RFX1: variants seen among roughly 807,000 people sequenced by gnomAD.
RFX1 encodes the protein MHC class II regulatory factor RFX1.
In RFX1, 42 loss-of-function variants were observed where a neutral mutation model predicts 119.6. That is an observed-to-expected ratio of 0.35 (90% confidence interval 0.27 to 0.45). The LOEUF is 0.45. Ranked by LOEUF, RFX1 falls within the 20% of genes least tolerant of loss-of-function variation. The pLI is 1.00. For missense variants in RFX1, 1,118 were observed against 1,368.1 expected (o/e 0.82, Z 2.88); for synonymous variants, 628 against 618.5 (o/e 1.02, Z -0.23).
intron 5 of RFX1, among the ~76,000 whole-genome samples, chr19:13,981,456 C>T (rs1974427772): frequency 6.6e-6 from 1 of 152,160 alleles, no homozygotes; most frequent in Non-Finnish European, 1.5e-5. Context: ...ATTAGCAGGG[C>T]GTGGTGGCGC....
chr19:14,003,383 G>A (rs755559556), intron 1 of RFX1, among the ~76,000 whole-genome samples: 1 of 152,084 alleles, frequency 6.6e-6, no homozygotes, highest in African/African-American at 2.4e-5. Flanking sequence ...CTGGATCCCT[G>A]GTATCCAGCT....
At chr19:13,971,522 C>T (rs1974077510) in intron 9 of RFX1, among the ~76,000 whole-genome samples, 1 of 152,096 alleles carries the variant, frequency 6.6e-6, no homozygotes, top group South Asian at 2.1e-4. Context: ...AGGGAGGTTC[C>T]AGCACCCGCC....
Position 13,968,447 on chromosome 19 carries a change from G to T in RFX1, c.1732+118C>A. 1.3e-6 allele frequency: 1 copy of T among 774,818 alleles called. No individual in the cohort carries two copies. 48.0% of individuals were successfully genotyped at this position (774,818 alleles called of 1,614,324 possible). A position where few individuals can be genotyped will look rare whatever the true frequency, so the allele number is the denominator to read the frequency against. ...TCCCCCACCCCCTGCTGGTTCTCGGGCATCTCTCACCAAGCCCTCCCCAGC... is the reference window on the plus strand; with the variant it reads ...TCCCCCACCCCCTGCTGGTTCTCGGTCATCTCTCACCAAGCCCTCCCCAGC... On this transcript the variant is annotated intron_variant, in intron 12 of 20. Coordinates refer to ENST00000254325, the MANE Select transcript of RFX1 (RefSeq NM_002918.5). This position sits in a 1 kb window ranked among gnomAD's most constrained non-coding sequence, Gnocchi z 5.5.
At chr19:13,978,217 C>T (rs1324415156) in intron 7 of RFX1, 131 bp from the exon 8 acceptor site, 3 of 613,178 alleles carry the variant, frequency 4.9e-6, no homozygotes, top group Admixed American at 2.9e-5. Context: ...CTTCTGGACT[C>T]TCAACAAAAC....
chr19:13,993,412 G>A, intron 2 of RFX1, 113 bp downstream of exon 2: 4 of 1,042,134 alleles, frequency 3.8e-6, no homozygotes, highest in Non-Finnish European at 5.5e-6. Flanking sequence ...GATACCCCAA[G>A]TCCCATCCAG....
chr19:13,975,838 C>T (rs971454586), intron 8 of RFX1, among the ~76,000 whole-genome samples: 1 of 152,202 alleles, frequency 6.6e-6, no homozygotes, highest in Non-Finnish European at 1.5e-5. Context: ...GGCAAAGGGT[C>T]GGGAACTCGC....
chr19:13,982,786 T>C (rs31602), intron 4 of RFX1, among the ~76,000 whole-genome samples: 31,332 of 152,090 alleles, frequency 0.21, 4,087 homozygotes, highest in Non-Finnish European at 0.29. Context: ...AACAGTACTT[T>C]GTCCAGATCT....
chr19:13,999,833 G>T (rs1975154705), intron 1 of RFX1, among the ~76,000 whole-genome samples: 1 of 152,064 alleles, frequency 6.6e-6, no homozygotes, highest in Non-Finnish European at 1.5e-5. Flanking sequence ...CCACCACCAT[G>T]CCTGGCTAGC....
chr19:13,969,681 T>C lies in RFX1; in HGVS notation c.1496+313A>G, dbSNP rs1286581783. 7.6e-6 allele frequency: 2 copies of C among 262,196 alleles called. No individual in the cohort carries two copies. Among genetic ancestry groups the C allele is most frequent in the Non-Finnish European group, 1.4e-5 (2 of 140,550 alleles). 16.2% of individuals were successfully genotyped at this position (262,196 alleles called of 1,614,324 possible). A position where few individuals can be genotyped will look rare whatever the true frequency, so the allele number is the denominator to read the frequency against. ...TCTCCAAAAAAAAAAAAAAGTCACGTGTGAGCGTGCTGAATGCTAAAGAGA... is the reference window on the plus strand; with the variant it reads ...TCTCCAAAAAAAAAAAAAAGTCACGCGTGAGCGTGCTGAATGCTAAAGAGA... On this transcript the variant is annotated intron_variant, in intron 10 of 20. Transcript: ENST00000254325. This position sits in a 1 kb window ranked among gnomAD's most constrained non-coding sequence, Gnocchi z 4.5.
rs1403202230 is a variant in RFX1 at position 13,970,087 on chromosome 19, T to C, written c.1403A>G (p.Gln468Arg). 1 of 1,613,956 alleles carries C rather than the reference T, an allele frequency of 6.2e-7. No homozygotes were observed. The highest frequency in any genetic ancestry group is 2.2e-5 in the East Asian group (1 of 44,896). The change falls in exon 10 of 21, where the codon CAG becomes CGG. Residue 468 changes from glutamine (Q) to arginine (R), a missense_variant. This residue lies in a region of RFX1 where 338 missense variants were observed against 508.9 expected (regional missense o/e 0.66). Coordinates refer to ENST00000254325, the MANE Select transcript of RFX1 (RefSeq NM_002918.5). The stretch of plus-strand genomic sequence containing the variant: ...GTTGACGGGCTCCAGCTTCTGCTCC[T>C]GGCAGTGCAGTAAGTAGTGGCAGTA... ...TLYCHYLLHCQEQKLEPVNAA... is the reference protein window; with the variant it reads ...TLYCHYLLHCREQKLEPVNAA...
chr19:13,976,977 CAG>C (rs1019224005), intron 8 of RFX1, among the ~76,000 whole-genome samples: 1 of 149,954 alleles, frequency 6.7e-6, no homozygotes, highest in Admixed American at 6.6e-5. Flanking sequence ...GCCTGGGCGA[CAG>C]AGTGAGACCC....
Position 13,968,761 on chromosome 19 carries a change from C to A in RFX1, c.1616+14G>T, listed in dbSNP as rs774531793. 1.9e-6 allele frequency: 3 copies of A among 1,604,634 alleles called. No homozygotes were observed. The Admixed American group carries it at 5.1e-5, about 27-fold the overall frequency. ...CCCGCCTGCCCTGCCCTGGGTCCGGCCCTGCCTTCCTACCTCTGCTTCTGC... is the reference window on the plus strand; with the variant it reads ...CCCGCCTGCCCTGCCCTGGGTCCGGACCTGCCTTCCTACCTCTGCTTCTGC... On this transcript the variant is annotated intron_variant, in intron 11 of 20. Coordinates refer to ENST00000254325, the MANE Select transcript of RFX1 (RefSeq NM_002918.5). The surrounding 1 kb of genome is among the most constrained non-coding windows in gnomAD (Gnocchi z 5.5).
In RFX1 at chr19:13,963,279, G is replaced by T; in HGVS notation, c.2571-4C>A. On this transcript the variant is annotated splice_polypyrimidine_tract_variant and splice_region_variant and intron_variant, in intron 18 of 20. Transcript: ENST00000254325. ...CAGGTCCCGGATCACCATGGAGCTG[G>T]GGATGGAGACGGAGAGGAGACCGTC... 6.2e-7 allele frequency: 1 copy of T among 1,607,444 alleles called. No homozygotes were observed. The highest frequency in any genetic ancestry group is 8.5e-7 in the Non-Finnish European group (1 of 1,178,708).
In RFX1 at chr19:14,003,913, C is replaced by CT. The variant is rs921618686; in HGVS notation, c.-53+2189dup. On this transcript the variant is annotated intron_variant, in intron 1 of 20. Coordinates refer to ENST00000254325, the MANE Select transcript of RFX1 (RefSeq NM_002918.5). ...GTAACATCACTTTCTGCTCAGTTAG[C>CT]TTTTTTTTTTTTGAGACAAGTCTCA... Among the ~76,000 whole-genome samples the CT allele has an allele frequency of 4.4e-4, 64 of 146,442 alleles. 1 individual carries two copies. Among genetic ancestry groups the CT allele is most frequent in the South Asian group, 6.5e-4 (3 of 4,626 alleles).
intron 12 of RFX1, among the ~76,000 whole-genome samples, chr19:13,967,638 G>A (rs761097385): frequency 1.3e-4 from 19 of 151,510 alleles, no homozygotes; most frequent in Admixed American, 2.6e-4. Context: ...CACCACACCC[G>A]GCTAATTTTG....
chr19:13,979,839 C>T (rs1419039348), intron 6 of RFX1, among the ~76,000 whole-genome samples: 1 of 152,148 alleles, frequency 6.6e-6, no homozygotes, highest in African/African-American at 2.4e-5. Flanking sequence ...GGTTATCTTT[C>T]GTCCCCACAC....
intron 2 of RFX1, among the ~76,000 whole-genome samples, chr19:13,989,199 G>A (rs1381746199): frequency 1.3e-5 from 2 of 152,000 alleles, no homozygotes; most frequent in Admixed American, 6.6e-5. Context: ...TCAGGAGGCA[G>A]GACTGAGCCT....
intron 5 of RFX1, among the ~76,000 whole-genome samples, chr19:13,981,350 C>T (rs186820880): frequency 6.6e-6 from 1 of 152,322 alleles, no homozygotes; most frequent in African/African-American, 2.4e-5. Context: ...AATCCCAGCA[C>T]TTTGGAAGGC....
Position 13,965,553 on chromosome 19 carries a change from G to A in RFX1, c.2114-7C>T. 2 of 1,613,508 alleles carry A rather than the reference G, an allele frequency of 1.2e-6. No homozygotes were observed. Among genetic ancestry groups the A allele is most frequent in the South Asian group, 1.1e-5 (1 of 91,072 alleles). On this transcript the variant is annotated splice_region_variant and splice_polypyrimidine_tract_variant and intron_variant, in intron 15 of 20. Transcript: ENST00000254325. This position sits in a 1 kb window ranked among gnomAD's most constrained non-coding sequence, Gnocchi z 4.7. ...ATCGCTTGGGTCAAGGCACCTGTGG[G>A]CGGTGGCGGGGGTCGGTCAGGGCAG...
Sources: allele counts gnomAD v4.1 joint callset (sites outside exome capture counted in the v4.1 genomes callset), GRCh38; gene constraint gnomAD v4.1.1; regional missense constraint gnomAD v4.1.1; non-coding constraint Gnocchi (gnomAD v3.1); transcripts MANE v1.5; gene names NCBI Gene and HGNC (gene_info 2026-07-23, HGNC 2026-07-21).